Variants in METTL15 observed in about 807,000 individuals in gnomAD.
METTL15 encodes 12S rRNA N(4)-cytidine methyltransferase METTL15.
In METTL15, 34 loss-of-function variants were observed where a neutral mutation model predicts 38.3. The observed-to-expected ratio is 0.89, with a 90% CI of 0.68 to 1.18. The LOEUF (loss-of-function observed/expected upper bound fraction) is 1.18, where lower values mean the gene tolerates loss of function less well. Ranked by LOEUF, METTL15 falls within the 50% of genes most tolerant of loss-of-function variation. METTL15 has a pLI of 0.00. For missense variants in METTL15, 438 were observed against 498.4 expected (o/e 0.88, Z 1.15); for synonymous variants, 162 against 170.9 (o/e 0.95, Z 0.41).
chr11:28,253,079 C>T (rs1284681388), intron 4 of METTL15, among the ~76,000 whole-genome samples: 1 of 152,110 alleles, frequency 6.6e-6, no homozygotes, highest in Non-Finnish European at 1.5e-5. Context: ...AAATATGATC[C>T]CATGGCTTCT....
chr11:28,183,803 C>G (rs957577217), intron 3 of METTL15, among the ~76,000 whole-genome samples: 1 of 151,944 alleles, frequency 6.6e-6, no homozygotes, highest in Non-Finnish European at 1.5e-5. Flanking sequence ...CCCTCTTTTT[C>G]TTTTGTTTGG....
At chr11:28,178,283 A>G (rs1455558403) in intron 3 of METTL15, among the ~76,000 whole-genome samples, 6 of 151,938 alleles carry the variant, frequency 3.9e-5, no homozygotes, top group Non-Finnish European at 7.4e-5. Flanking sequence ...ACATAAGTAA[A>G]CAAAACCTGT....
At chr11:28,396,046 G>T (rs1031395482) in intron 5 of METTL15, among the ~76,000 whole-genome samples, 2 of 151,982 alleles carry the variant, frequency 1.3e-5, no homozygotes, top group Non-Finnish European at 2.9e-5. Flanking sequence ...AAATTCAACA[G>T]TCCTTCATGC....
intron 3 of METTL15, among the ~76,000 whole-genome samples, chr11:28,182,463 T>C (rs1851327634): frequency 6.6e-6 from 1 of 152,016 alleles, no homozygotes; most frequent in Non-Finnish European, 1.5e-5. Flanking sequence ...CAGTTTCAGT[T>C]TTCTGCCTAG....
chr11:28,392,782 A>G (rs1850525061), intron 5 of METTL15, among the ~76,000 whole-genome samples: 1 of 152,142 alleles, frequency 6.6e-6, no homozygotes, highest in Admixed American at 6.6e-5. Flanking sequence ...TCCAGAATAT[A>G]TAAAGATCTA....
intron 4 of METTL15, among the ~76,000 whole-genome samples, chr11:28,259,574 G>A (rs938669043): frequency 3.9e-5 from 6 of 152,150 alleles, no homozygotes; most frequent in African/African-American, 1.4e-4. Context: ...GCTATAGCTG[G>A]TTTAAATGTT....
At chr11:28,304,764 C>G (rs1857024032) in intron 6 of METTL15, among the ~76,000 whole-genome samples, 1 of 151,984 alleles carries the variant, frequency 6.6e-6, no homozygotes, top group Admixed American at 6.6e-5. Flanking sequence ...TAGTCATTAT[C>G]TTTTAGTTGG....
chr11:28,111,228 T>C (rs541010085), intron 2 of METTL15, among the ~76,000 whole-genome samples: 2 of 152,356 alleles, frequency 1.3e-5, no homozygotes, highest in Admixed American at 1.3e-4. Flanking sequence ...AGAGACTGAA[T>C]GCAATAGAAA....
At chr11:28,223,844 A>G (rs1304790551) in intron 4 of METTL15, among the ~76,000 whole-genome samples, 1 of 152,082 alleles carries the variant, frequency 6.6e-6, no homozygotes, top group African/African-American at 2.4e-5. Context: ...AACTTGCAGC[A>G]ATGAGGTGTT....
At chr11:28,240,161 A>G (rs1854228647) in intron 4 of METTL15, among the ~76,000 whole-genome samples, 1 of 152,310 alleles carries the variant, frequency 6.6e-6, no homozygotes. Context: ...GCCCTGTAAT[A>G]CTTGACTTTT....
rs763906087 is a variant in METTL15 at position 28,421,756 on chromosome 11, AC to A, written c.*359-2540del. Among the ~76,000 whole-genome samples the A allele has an allele frequency of 2.0e-5, 3 of 151,900 alleles. No individual in the cohort carries two copies. The East Asian group carries it at 5.8e-4, about 29-fold the overall frequency. Reference sequence around the variant, plus strand: ...CACAACAAATGGGAAAAAAACAGAAACCCTTTCCTCCAAGATCTTGAACATG... The same window carrying A: ...CACAACAAATGGGAAAAAAACAGAAACCTTTCCTCCAAGATCTTGAACATG... On this transcript the variant is annotated intron_variant and NMD_transcript_variant, in intron 5 of 7. Coordinates refer to the METTL15 transcript ENST00000532947.
intron 5 of METTL15, among the ~76,000 whole-genome samples, chr11:28,380,575 G>A (rs1850372263): frequency 6.6e-6 from 1 of 152,022 alleles, no homozygotes; most frequent in Non-Finnish European, 1.5e-5. Context: ...TTCATTTGTG[G>A]ATAAGTATTT....
At chr11:28,374,134 G>A (rs1850278715) in intron 5 of METTL15, among the ~76,000 whole-genome samples, 1 of 152,116 alleles carries the variant, frequency 6.6e-6, no homozygotes, top group African/African-American at 2.4e-5. Flanking sequence ...GCTTAGGATT[G>A]ACATGGCGAT....
chr11:28,449,116 C>T lies in METTL15; in HGVS notation c.*424+24752C>T, dbSNP rs944230827. Among the ~76,000 whole-genome samples the T allele has an allele frequency of 1.4e-4, 22 of 152,176 alleles. No homozygotes were observed. The South Asian group carries it at 1.7e-3, about 12-fold the overall frequency. On this transcript the variant is annotated intron_variant and NMD_transcript_variant, in intron 6 of 7. Transcript: ENST00000532947. ...TTCTATGTGGTTTCTGGGATCATTG[C>T]GCTATTTTAGCTCTTACTTAGCCAT...
chr11:28,116,389 C>G (rs1250485059), intron 3 of METTL15, among the ~76,000 whole-genome samples: 1 of 152,134 alleles, frequency 6.6e-6, no homozygotes, highest in South Asian at 2.1e-4. Context: ...ATCCCTTATT[C>G]TAGAAGCTAC....
chr11:28,222,151 G>T (rs1355311373), intron 4 of METTL15, among the ~76,000 whole-genome samples: 1 of 152,196 alleles, frequency 6.6e-6, no homozygotes, highest in Non-Finnish European at 1.5e-5. Flanking sequence ...GCCTCCAGAG[G>T]TGGAGCCTAC....
At chr11:28,391,803 C>G (rs767467061) in intron 5 of METTL15, among the ~76,000 whole-genome samples, 1 of 152,110 alleles carries the variant, frequency 6.6e-6, no homozygotes, top group African/African-American at 2.4e-5. Context: ...TCACCTTACA[C>G]AAAAATTAAT....
intron 3 of METTL15, among the ~76,000 whole-genome samples, chr11:28,170,181 G>A (rs974174806): frequency 1.3e-5 from 2 of 152,160 alleles, no homozygotes; most frequent in African/African-American, 2.4e-5. Flanking sequence ...TCAGAACCAA[G>A]TCACGGAGCT....
At chr11:28,170,421 A>T (rs539504653) in intron 3 of METTL15, among the ~76,000 whole-genome samples, 12 of 152,282 alleles carry the variant, frequency 7.9e-5, no homozygotes, top group African/African-American at 2.9e-4. Flanking sequence ...GACCTTGTGT[A>T]AAAACAATTT....
Sources: gnomAD v4.1 joint callset for allele counts (sites outside exome capture counted in the v4.1 genomes callset) on GRCh38, gnomAD v4.1.1 for gene constraint, MANE v1.5 for transcripts, NCBI Gene and HGNC (gene_info 2026-07-23, HGNC 2026-07-21) for gene names.